Variants in CASK observed in about 807,000 individuals in gnomAD.
The protein encoded by CASK is calcium/calmodulin dependent serine protein kinase.
CASK carries 4 observed loss-of-function variants against 82.9 expected under a neutral mutation model. The observed-to-expected ratio is 0.05, with a 90% CI of 0.02 to 0.11. The LOEUF (loss-of-function observed/expected upper bound fraction) is 0.11, where lower values mean the gene tolerates loss of function less well. CASK is among the 10% of genes least tolerant of loss of function. The pLI, the probability that CASK is intolerant of heterozygous loss-of-function variation, is 1.00. For missense variants in CASK, 358 were observed against 720.9 expected (o/e 0.50, Z 5.76); for synonymous variants, 259 against 253.5 (o/e 1.02, Z -0.20).
chrX:41,890,195 CCTT>C (rs1423998327), intron 1 of CASK, among the ~76,000 whole-genome samples: 1 of 101,879 alleles, frequency 9.8e-6, no homozygotes, highest in Non-Finnish European at 2.0e-5. Context: ...ATCTTTTTCT[CCTT>C]ATCATGTGAA....
chrX:41,674,663 A>G lies in CASK; in HGVS notation c.430-3133T>C, dbSNP rs1280383210. Among the ~76,000 whole-genome samples the G allele has an allele frequency of 3.6e-5, 4 of 111,477 alleles. No homozygotes were observed. In the East Asian group the frequency reaches 8.4e-4, roughly 23 times the overall value. On this transcript the variant is annotated intron_variant, in intron 5 of 26. Transcript: ENST00000378163. ...TGGAAACAGTAGTTATATTAGTAGT[A>G]TTTTTGTTGTTATGATAAATTTTGT...
chrX:41,530,078 T>C (rs186303074), intron 25 of CASK, among the ~76,000 whole-genome samples: 4 of 111,617 alleles, frequency 3.6e-5, no homozygotes, highest in Non-Finnish European at 5.7e-5. Context: ...GTCTACTATT[T>C]CAGCAGGTAG....
chrX:41,655,838 A>G (rs767843044), intron 8 of CASK, among the ~76,000 whole-genome samples: 50 of 112,014 alleles, frequency 4.5e-4, no homozygotes, highest in African/African-American at 1.6e-3. Context: ...GTTGAATTGC[A>G]TTCTGAAGAA....
At chrX:41,804,765 G>C (rs2070079740) in intron 2 of CASK, among the ~76,000 whole-genome samples, 1 of 111,638 alleles carries the variant, frequency 9.0e-6, no homozygotes, top group Non-Finnish European at 1.9e-5. Context: ...GGCTACAAGA[G>C]CATATCACCA....
intron 4 of CASK, among the ~76,000 whole-genome samples, chrX:41,739,916 T>C (rs2068565563): frequency 8.9e-6 from 1 of 111,969 alleles, no homozygotes; most frequent in African/African-American, 3.3e-5. Context: ...TATTTAGCTG[T>C]GAGGACAAAT....
At chrX:41,913,892 A>G (rs984330056) in intron 1 of CASK, among the ~76,000 whole-genome samples, 2 of 112,105 alleles carry the variant, frequency 1.8e-5, no homozygotes, top group Non-Finnish European at 3.8e-5. Context: ...CAAGCCACAG[A>G]GCAACCGCAT....
At chrX:41,854,431 G>GTGTACATGTATACAT (rs1459131825) in intron 1 of CASK, among the ~76,000 whole-genome samples, 1 of 112,461 alleles carries the variant, frequency 8.9e-6, no homozygotes, top group East Asian at 2.8e-4. Flanking sequence ...TTAAATACAT[G>GTGTACATGTATACAT]TGTACATGTA....
intron 25 of CASK, 91 bp downstream of exon 25, chrX:41,530,916 C>G: frequency 1.2e-6 from 1 of 803,225 alleles, no homozygotes; most frequent in Non-Finnish European, 1.9e-6. Context: ...ATTATGTGAC[C>G]TGTGACTTTC....
At chrX:41,660,298 C>T in intron 8 of CASK, 141 bp downstream of exon 8, 1 of 527,995 alleles carries the variant, frequency 1.9e-6, no homozygotes, top group Non-Finnish European at 3.3e-6. Context: ...TGTGCAGGAA[C>T]AGCAAACAAG....
chrX:41,909,950 A>C (rs1347098468), intron 1 of CASK, among the ~76,000 whole-genome samples: 1 of 110,099 alleles, frequency 9.1e-6, no homozygotes, highest in Non-Finnish European at 1.9e-5. Flanking sequence ...GGCCAGGCAC[A>C]GTGGCTCATG....
At chrX:41,542,890 T>C in intron 21 of CASK, 84 bp from the exon 22 acceptor site, 1 of 611,633 alleles carries the variant, frequency 1.6e-6, no homozygotes. Context: ...TTTGAAGAAT[T>C]TATATAAAAC....
At chrX:41,727,987 T>C (rs898078765) in intron 5 of CASK, 12 of 1,149,842 alleles carry the variant, frequency 1.0e-5, no homozygotes, top group Non-Finnish European at 1.4e-5. Flanking sequence ...GAAGACACTA[T>C]ATAATCTCTT....
chrX:41,770,286 AT>A (rs1294123069), intron 3 of CASK, among the ~76,000 whole-genome samples: 13 of 98,789 alleles, frequency 1.3e-4, no homozygotes, highest in African/African-American at 3.3e-4. Flanking sequence ...CTATCTATCT[AT>A]CTATCTATCT....
chrX:41,833,397 T>C (rs1438767236), intron 2 of CASK, among the ~76,000 whole-genome samples: 1 of 112,002 alleles, frequency 8.9e-6, no homozygotes, highest in Non-Finnish European at 1.9e-5. Flanking sequence ...GCAACACATA[T>C]TCTATGGTTC....
At chrX:41,677,864 G>A (rs1602449396) in intron 5 of CASK, among the ~76,000 whole-genome samples, 3 of 112,280 alleles carry the variant, frequency 2.7e-5, no homozygotes, top group Non-Finnish European at 5.6e-5. Flanking sequence ...CAACTTGCCC[G>A]TCTCCAGGCA....
intron 5 of CASK, among the ~76,000 whole-genome samples, chrX:41,690,333 G>T (rs1482237711): frequency 1.3e-5 from 1 of 75,979 alleles, no homozygotes; most frequent in Non-Finnish European, 2.4e-5. Flanking sequence ...GAATGTAATT[G>T]TGATTTTTAA....
At chrX:41,589,933 T>G in intron 12 of CASK, 1 of 211,787 alleles carries the variant, frequency 4.7e-6, no homozygotes, top group Non-Finnish European at 8.7e-6. Flanking sequence ...CAGAGTAAAA[T>G]GAAAGAATGC....
chrX:41,747,431 G>A (rs888416687), intron 3 of CASK, among the ~76,000 whole-genome samples: 6 of 110,931 alleles, frequency 5.4e-5, no homozygotes, highest in Non-Finnish European at 7.6e-5. Flanking sequence ...CTAGGACAAG[G>A]GGTATATACA....
At chrX:41,682,316 G>A (rs2067370223) in intron 5 of CASK, among the ~76,000 whole-genome samples, 1 of 109,434 alleles carries the variant, frequency 9.1e-6, no homozygotes, top group African/African-American at 3.3e-5. Context: ...ACTCTGGGAG[G>A]CTGCGGTGGG....
Sources: allele counts gnomAD v4.1 joint callset (sites outside exome capture counted in the v4.1 genomes callset), GRCh38; gene constraint gnomAD v4.1.1; transcripts MANE v1.5; gene names NCBI Gene and HGNC (gene_info 2026-07-23, HGNC 2026-07-21).